The following DESI2 variants were observed in gnomAD, a reference collection of about 807,000 sequenced individuals.
DESI2 encodes desumoylating isopeptidase 2, also known as deubiquitinase DESI2.
A neutral mutation model predicts 24.1 loss-of-function variants in DESI2; 10 were observed. That is an observed-to-expected ratio of 0.41 (90% confidence interval 0.26 to 0.70). The LOEUF (loss-of-function observed/expected upper bound fraction) is 0.70. Ranked by LOEUF, DESI2 falls within the 30% of genes least tolerant of loss-of-function variation. The pLI, the probability that DESI2 is intolerant of heterozygous loss-of-function variation, is 0.29. For synonymous variants in DESI2, 71 were observed against 87.7 expected, an observed-to-expected ratio of 0.81 and a Z score of 1.06; for missense variants, 122 against 234.9, an observed-to-expected ratio of 0.52 and a Z score of 3.14.
At chr1:244,663,934 C>T (rs1186100765) in intron 1 of DESI2, among the ~76,000 whole-genome samples, 4 of 143,968 alleles carry the variant, frequency 2.8e-5, no homozygotes, top group Admixed American at 2.2e-4. Context: ...AGGAGAATGG[C>T]GTGAACCTGG....
chr1:244,677,043 C>CGA, intron 1 of DESI2, among the ~76,000 whole-genome samples: 1 of 149,532 alleles, frequency 6.7e-6, no homozygotes, highest in Non-Finnish European at 1.5e-5. Context: ...CTTGTGATGT[C>CGA]TTTGTTTTGG....
rs1677746629 is a variant in DESI2, at chr1:244,707,305, G to A, written c.*1516G>A. ...GCTGATTTTGGTTCATTTTATCAAC[G>A]TAAGCACACCCTGTTCATAGGGAAA... is the stretch of plus-strand genomic sequence containing the variant. On this transcript the variant is annotated 3_prime_UTR_variant, in exon 5 of 5. Transcript: ENST00000302550. The A allele has an allele frequency of 6.6e-6, 1 of 152,480 alleles. No homozygotes were observed. Among genetic ancestry groups the A allele is most frequent in the South Asian group, 2.1e-4 (1 of 4,826 alleles). 9.4% of individuals were successfully genotyped at this position (152,480 alleles called of 1,614,324 possible).
chr1:244,653,833 G>T (rs1220163617), intron 1 of DESI2: 4 of 428,472 alleles, frequency 9.3e-6, no homozygotes, highest in Non-Finnish European at 1.9e-5. Flanking sequence ...AGTCCAGAAG[G>T]TCACAGCTTT....
At chr1:244,701,085 A>T (rs1677432828) in intron 4 of DESI2, among the ~76,000 whole-genome samples, 4 of 152,122 alleles carry the variant, frequency 2.6e-5, no homozygotes, top group Admixed American at 2.6e-4. Flanking sequence ...ACAAGAAGGA[A>T]TCAACATTTA....
chr1:244,683,195 T>G (rs1360449050), intron 1 of DESI2, among the ~76,000 whole-genome samples: 1 of 152,066 alleles, frequency 6.6e-6, no homozygotes, highest in Non-Finnish European at 1.5e-5. Flanking sequence ...ATAGCAAGGG[T>G]TGGGGGTTCT....
intron 1 of DESI2, among the ~76,000 whole-genome samples, chr1:244,673,579 TTTGA>T (rs1676317083): frequency 6.6e-6 from 1 of 152,182 alleles, no homozygotes; most frequent in Non-Finnish European, 1.5e-5. Context: ...TTTAAAGGTT[TTTGA>T]TTGGGTATAG....
At chr1:244,697,012 C>G (rs1677241043) in intron 4 of DESI2, among the ~76,000 whole-genome samples, 1 of 152,156 alleles carries the variant, frequency 6.6e-6, no homozygotes, top group Admixed American at 6.5e-5. Flanking sequence ...CACATCCTAC[C>G]TGACTCTATT....
At chr1:244,705,207 A>G (rs1677647488) in intron 4 of DESI2, among the ~76,000 whole-genome samples, 1 of 152,196 alleles carries the variant, frequency 6.6e-6, no homozygotes, top group South Asian at 2.1e-4. Context: ...CTAATAATAT[A>G]TTGTATTAAC....
At position 244,686,584 on chromosome 1, in the gene DESI2, C is replaced by T. The variant is rs1553404575; in HGVS notation, c.43-13C>T. 12 of 1,573,402 alleles carry T rather than the reference C, an allele frequency of 7.6e-6. No individual in the cohort carries two copies. The highest frequency in any genetic ancestry group is 1.3e-5 in the African/African-American group (1 of 74,184). Reference sequence around the variant, plus strand: ...AACAGGTATTCTGAATCTTTTCTTTCTTTTTTTCTCAGTATTGGATGAACG... The same window carrying T: ...AACAGGTATTCTGAATCTTTTCTTTTTTTTTTTCTCAGTATTGGATGAACG... On this transcript the variant is annotated splice_polypyrimidine_tract_variant and intron_variant, in intron 1 of 4. Coordinates refer to ENST00000302550, the MANE Select transcript of DESI2 (RefSeq NM_016076.5).
At chr1:244,668,329 C>A (rs1676118669) in intron 1 of DESI2, among the ~76,000 whole-genome samples, 1 of 152,072 alleles carries the variant, frequency 6.6e-6, no homozygotes, top group East Asian at 1.9e-4. Context: ...TGCATTAGTA[C>A]CAACAAGACC....
chr1:244,691,935 T>A lies in DESI2; in HGVS notation c.266T>A (p.Val89Glu). The A allele has an allele frequency of 1.2e-6, 2 of 1,604,026 alleles. No individual in the cohort carries two copies. The highest frequency in any genetic ancestry group is 8.5e-7 in the Non-Finnish European group (1 of 1,177,950). ...CTAGAAGATGATATAGAAAAAATTGTAGAAGAACTGGGAAAAGAATACAAA... is the reference window on the plus strand; with the variant it reads ...CTAGAAGATGATATAGAAAAAATTGAAGAAGAACTGGGAAAAGAATACAAA... ...DFLEDDIEKI[V>E]EELGKEYKGN... The change falls in exon 4 of 5, where the codon GTA becomes GAA. Residue 89 changes from valine to glutamate, a missense_variant. Around this residue, in one of 6 missense-constraint regions of DESI2, gnomAD observed 23 missense variants for 28.5 expected, o/e 0.81. Transcript: ENST00000302550.
At chr1:244,701,160 T>C (rs1326186539) in intron 4 of DESI2, among the ~76,000 whole-genome samples, 1 of 141,792 alleles carries the variant, frequency 7.1e-6, no homozygotes, top group African/African-American at 2.7e-5. Context: ...GCTTCACTAT[T>C]AGGAAAGGAT....
intron 1 of DESI2, among the ~76,000 whole-genome samples, chr1:244,684,865 C>A (rs372106882): frequency 3.3e-5 from 5 of 152,106 alleles, no homozygotes; most frequent in South Asian, 2.1e-4. Context: ...TTTTGCTGCC[C>A]AAACTCTGGG....
intron 1 of DESI2, chr1:244,653,704 G>C: frequency 2.6e-6 from 1 of 382,742 alleles, no homozygotes; most frequent in Non-Finnish European, 4.9e-6. Flanking sequence ...CCACTTGCCG[G>C]CCCCCGGGGC....
intron 1 of DESI2, among the ~76,000 whole-genome samples, chr1:244,674,990 G>A (rs1053245432): frequency 6.6e-6 from 1 of 152,162 alleles, no homozygotes; most frequent in Non-Finnish European, 1.5e-5. Flanking sequence ...ATGTATTCGA[G>A]TTCTAATTTC....
At chr1:244,660,097 C>T (rs1337291927) in intron 1 of DESI2, among the ~76,000 whole-genome samples, 1 of 152,156 alleles carries the variant, frequency 6.6e-6, no homozygotes, top group Non-Finnish European at 1.5e-5. Flanking sequence ...AAATCAGATA[C>T]TTTAAAAATA....
intron 1 of DESI2, among the ~76,000 whole-genome samples, chr1:244,676,821 T>A (rs931341239): frequency 6.8e-6 from 1 of 147,880 alleles, no homozygotes; most frequent in African/African-American, 2.5e-5. Flanking sequence ...ATTTTATATA[T>A]ATATATCATG....
chr1:244,704,477 A>G (rs1558139067), intron 4 of DESI2, among the ~76,000 whole-genome samples: 1 of 152,202 alleles, frequency 6.6e-6, no homozygotes, highest in African/African-American at 2.4e-5. Flanking sequence ...TAAGGACAGT[A>G]TAAGGACAGG....
chr1:244,682,430 C>G (rs527477934), intron 1 of DESI2, among the ~76,000 whole-genome samples: 2 of 152,304 alleles, frequency 1.3e-5, no homozygotes, highest in East Asian at 3.9e-4. Context: ...CAAAGTTTAA[C>G]TTTGTGAAAA....
Sources: allele counts gnomAD v4.1 joint callset (sites outside exome capture counted in the v4.1 genomes callset), GRCh38; gene constraint gnomAD v4.1.1; regional missense constraint gnomAD v4.1.1; transcripts MANE v1.5; gene names NCBI Gene and HGNC (gene_info 2026-07-23, HGNC 2026-07-21).